FAM98B: variants seen among roughly 807,000 people sequenced by gnomAD.
FAM98B encodes the protein tRNA-splicing ligase complex subunit FAM98B.
FAM98B carries 32 observed loss-of-function variants against 43.9 expected under a neutral mutation model. The ratio of observed to expected loss-of-function variants is 0.73; its 90% CI spans 0.55 to 0.98. The LOEUF (loss-of-function observed/expected upper bound fraction) is 0.98, where lower values mean the gene tolerates loss of function less well. Among genes scored for constraint, FAM98B ranks in the 50% least tolerant of loss-of-function variants. The probability of loss-of-function intolerance (pLI) is 0.00; values close to 1 mark genes in which losing one functional copy is unlikely to be tolerated. For missense variants in FAM98B, 514 were observed against 522.9 expected (o/e 0.98, Z 0.17); for synonymous variants, 190 against 174.0 (o/e 1.09, Z -0.72).
intron 3 of FAM98B, among the ~76,000 whole-genome samples, 190 bp from the exon 4 acceptor site, chr15:38,470,037 A>C (rs756604434): frequency 1.9e-4 from 29 of 152,174 alleles, no homozygotes; most frequent in Non-Finnish European, 3.7e-4. Context: ...AAAAAACGTA[A>C]CACTTGCTAT....
At chr15:38,467,501 A>G (rs1474033366) in intron 3 of FAM98B, among the ~76,000 whole-genome samples, 1 of 152,210 alleles carries the variant, frequency 6.6e-6, no homozygotes, top group East Asian at 1.9e-4. Flanking sequence ...AAATCATAAT[A>G]GAAGTTTGGG....
At chr15:38,465,219 A>T (rs1178274160) in intron 2 of FAM98B, 50 bp from the exon 3 acceptor site, 3 of 1,548,746 alleles carry the variant, frequency 1.9e-6, no homozygotes, top group Non-Finnish European at 1.7e-6. Context: ...ATAGTATTGG[A>T]TTATATGGTA....
chr15:38,483,802 G>A (rs912832828), intron 7 of FAM98B: 1 of 145,278 alleles, frequency 6.9e-6, no homozygotes, highest in Non-Finnish European at 1.5e-5. Context: ...CTTCAGACTT[G>A]GTAAACAGGA....
At chr15:38,459,304 CTG>C (rs1481999060) in intron 1 of FAM98B, 1 of 499,266 alleles carries the variant, frequency 2.0e-6, no homozygotes, top group Non-Finnish European at 4.0e-6. Flanking sequence ...TCCGATAAAA[CTG>C]GTACTGGAGA....
At chr15:38,454,907 T>G (rs1399067830) in intron 1 of FAM98B, among the ~76,000 whole-genome samples, 1 of 152,154 alleles carries the variant, frequency 6.6e-6, no homozygotes, top group African/African-American at 2.4e-5. Context: ...GAATGGTAAG[T>G]GCTGTGAGAA....
chr15:38,481,576 CAG>C (rs1158571338), intron 7 of FAM98B, 117 bp downstream of exon 7: 2 of 1,611,650 alleles, frequency 1.2e-6, no homozygotes, highest in African/African-American at 2.7e-5. Flanking sequence ...AAAAGAGTGG[CAG>C]GGGGGTTCAG....
chr15:38,461,966 CA>C (rs1004435518), intron 1 of FAM98B, among the ~76,000 whole-genome samples: 11 of 152,036 alleles, frequency 7.2e-5, no homozygotes, highest in African/African-American at 2.7e-4. Flanking sequence ...TAAAAACTGA[CA>C]AAAATTTGCC....
At chr15:38,480,325 T>C (rs1380475144) in intron 6 of FAM98B, among the ~76,000 whole-genome samples, 1 of 152,196 alleles carries the variant, frequency 6.6e-6, no homozygotes, top group Non-Finnish European at 1.5e-5. Context: ...TCCTTTCCTT[T>C]TCTCGTTGAT....
At chr15:38,459,952 C>A (rs190830548) in intron 1 of FAM98B, among the ~76,000 whole-genome samples, 1 of 152,160 alleles carries the variant, frequency 6.6e-6, no homozygotes, top group Non-Finnish European at 1.5e-5. Context: ...GGGGCAAAGA[C>A]AATAGGTTGG....
At chr15:38,471,306 G>A (rs915314229) in intron 4 of FAM98B, among the ~76,000 whole-genome samples, 7 of 151,834 alleles carry the variant, frequency 4.6e-5, no homozygotes, top group Non-Finnish European at 1.0e-4. Flanking sequence ...ATTTTTTTTG[G>A]TAGAACTTGC....
intron 6 of FAM98B, 35 bp from the exon 7 acceptor site, chr15:38,481,257 T>G (rs1488851799): frequency 6.5e-7 from 1 of 1,549,306 alleles, no homozygotes; most frequent in Admixed American, 1.7e-5. Context: ...TAAAATGTAC[T>G]TTTGTTCCTT....
At chr15:38,458,218 A>G (rs1420433594) in intron 1 of FAM98B, among the ~76,000 whole-genome samples, 1 of 152,212 alleles carries the variant, frequency 6.6e-6, no homozygotes, top group Non-Finnish European at 1.5e-5. Flanking sequence ...ACAAGTCCTC[A>G]TCTTCCCAGA....
At chr15:38,458,178 C>T (rs1397492655) in intron 1 of FAM98B, among the ~76,000 whole-genome samples, 2 of 152,146 alleles carry the variant, frequency 1.3e-5, no homozygotes, top group Non-Finnish European at 2.9e-5. Flanking sequence ...GGCCACAAGA[C>T]CTGATGGCCA....
intron 7 of FAM98B, 49 bp from the exon 8 acceptor site, chr15:38,484,205 TA>T (rs1255705837): frequency 1.3e-6 from 2 of 1,520,784 alleles, no homozygotes; most frequent in African/African-American, 2.8e-5. Flanking sequence ...AACTTTTATG[TA>T]AACTTTTTTG....
In FAM98B at chr15:38,481,413, C is replaced by T; in HGVS notation, c.851C>T (p.Thr284Ile). 1 of 1,614,146 alleles carries T rather than the reference C, an allele frequency of 6.2e-7. No individual in the cohort carries two copies. Among genetic ancestry groups the T allele is most frequent in the Non-Finnish European group, 8.5e-7 (1 of 1,180,012 alleles). The change falls in exon 7 of 8, where the codon ACA becomes ATA. Residue 284 changes from threonine (T) to isoleucine (I), a missense_variant. Transcript: ENST00000397609. ...AREDLSKIIR[T>I]SSGTSREKTA... ...GAAGATCTATCCAAGATCATTAGGA[C>T]AAGTAGTGGCACCAGCCGGGAGAAG...
chr15:38,457,011 G>A (rs1889859791), intron 1 of FAM98B, among the ~76,000 whole-genome samples: 1 of 152,202 alleles, frequency 6.6e-6, no homozygotes, highest in South Asian at 2.1e-4. Flanking sequence ...GGAGTGGTTA[G>A]ATGTCTAGTT....
At chr15:38,473,066 G>C (rs1162487936) in intron 4 of FAM98B, among the ~76,000 whole-genome samples, 1 of 152,106 alleles carries the variant, frequency 6.6e-6, no homozygotes, top group African/African-American at 2.4e-5. Flanking sequence ...TTGTCTTGCT[G>C]AACAATGAAA....
intron 4 of FAM98B, among the ~76,000 whole-genome samples, chr15:38,472,238 C>G (rs1890139496): frequency 6.6e-6 from 1 of 152,040 alleles, no homozygotes; most frequent in African/African-American, 2.4e-5. Flanking sequence ...GAGAATTCCT[C>G]TGGAGTGAGG....
At chr15:38,456,535 C>T (rs1218927215) in intron 1 of FAM98B, among the ~76,000 whole-genome samples, 2 of 152,078 alleles carry the variant, frequency 1.3e-5, no homozygotes, top group African/African-American at 2.4e-5. Flanking sequence ...TTGGTTCCTA[C>T]CCTTGTGGAG....
Sources: allele counts gnomAD v4.1 joint callset (sites outside exome capture counted in the v4.1 genomes callset), GRCh38; gene constraint gnomAD v4.1.1; transcripts MANE v1.5; gene names NCBI Gene and HGNC (gene_info 2026-07-23, HGNC 2026-07-21).